Variants in NR4A3 observed in about 807,000 individuals in gnomAD.
The protein encoded by NR4A3 is chondrosarcoma, extraskeletal myxoid, fused to EWS.
A neutral mutation model predicts 55.6 loss-of-function variants in NR4A3; 13 were observed. The observed-to-expected ratio is 0.23, with a 90% CI of 0.15 to 0.37. The LOEUF is 0.37. Ranked by LOEUF, NR4A3 falls within the 10% of genes least tolerant of loss-of-function variation. The pLI is 1.00. For synonymous variants in NR4A3, 342 were observed against 357.9 expected, an observed-to-expected ratio of 0.96 and a Z score of 0.50; for missense variants, 646 against 822.8, an observed-to-expected ratio of 0.79 and a Z score of 2.63.
intron 2 of NR4A3, chr9:99,826,852 C>G (rs575744773): frequency 1.3e-6 from 2 of 1,535,838 alleles, no homozygotes; most frequent in South Asian, 2.2e-5. Context: ...CTCTATTAGT[C>G]ACACCTTTTA....
intron 7 of NR4A3, among the ~76,000 whole-genome samples, chr9:99,849,923 G>A (rs1827819472): frequency 6.6e-6 from 1 of 152,212 alleles, no homozygotes; most frequent in Admixed American, 6.5e-5. Flanking sequence ...GACAGCAGGT[G>A]GGGGTGGTCT....
chr9:99,865,115 C>T lies in NR4A3; in HGVS notation c.*1248C>T, dbSNP rs1828073659. The T allele has an allele frequency of 5.1e-6, 1 of 195,086 alleles. No homozygotes were observed. Among genetic ancestry groups the T allele is most frequent in the Non-Finnish European group, 1.1e-5 (1 of 93,482 alleles). The allele number at this position is 195,086 out of a possible 1,614,324, so 12.1% of individuals were successfully genotyped here. On this transcript the variant is annotated 3_prime_UTR_variant, in exon 8 of 8. Coordinates refer to ENST00000395097, the MANE Select transcript of NR4A3 (RefSeq NM_006981.4). This position sits in a 1 kb window ranked among gnomAD's most constrained non-coding sequence, Gnocchi z 4.3. ...TTTTGTATGTTTCTACTGTTAATGCCATATTACTATGAGATAATTTGTTGC... is the reference window on the plus strand; with the variant it reads ...TTTTGTATGTTTCTACTGTTAATGCTATATTACTATGAGATAATTTGTTGC...
At chr9:99,830,825 A>G (rs970005418) in intron 3 of NR4A3, among the ~76,000 whole-genome samples, 1 of 152,254 alleles carries the variant, frequency 6.6e-6, no homozygotes, top group African/African-American at 2.4e-5. Flanking sequence ...ATAATCTACA[A>G]ATATAATTAT....
At chr9:99,857,146 T>G (rs1272175548) in intron 7 of NR4A3, among the ~76,000 whole-genome samples, 1 of 152,132 alleles carries the variant, frequency 6.6e-6, no homozygotes, top group Admixed American at 6.6e-5. Flanking sequence ...GAGATATAAA[T>G]GCAAGGAACA....
intron 6 of NR4A3, 30 bp downstream of exon 6, chr9:99,844,878 C>T (rs767203142): frequency 1.7e-5 from 27 of 1,552,302 alleles, no homozygotes; most frequent in Admixed American, 6.7e-5. Flanking sequence ...CTTCAGTCTA[C>T]GTCCTTTGAA....
intron 7 of NR4A3, among the ~76,000 whole-genome samples, chr9:99,847,950 G>T (rs1434204603): frequency 6.6e-6 from 1 of 152,170 alleles, no homozygotes; most frequent in Non-Finnish European, 1.5e-5. Context: ...TGTCACACAG[G>T]CTAGAGAGCA....
In NR4A3 at chr9:99,828,133, A is replaced by G. The variant is rs1390047777; in HGVS notation, c.91A>G (p.Met31Val). The G allele has an allele frequency of 9.9e-6, 16 of 1,614,096 alleles. No individual in the cohort carries two copies. The highest frequency in any genetic ancestry group is 1.4e-5 in the Non-Finnish European group (16 of 1,180,004). Residue 31 changes from methionine to valine, a missense_variant, in exon 3 of 8, where the codon ATG becomes GTG. Physicochemically the swap from Met to Val is conservative, Grantham distance 21. Around this residue, in one of 5 missense-constraint regions of NR4A3, gnomAD observed 426 missense variants for 429.4 expected, o/e 0.99. Transcript: ENST00000395097. This position sits in a 1 kb window ranked among gnomAD's most constrained non-coding sequence, Gnocchi z 7.7. ...TYSSEYTTEI[M>V]NPDYTKLTMD... ...CAGCTCGGAATACACCACGGAGATC[A>G]TGAACCCCGACTACACCAAGCTGAC...
At chr9:99,857,905 C>T (rs1201408843) in intron 7 of NR4A3, among the ~76,000 whole-genome samples, 2 of 152,070 alleles carry the variant, frequency 1.3e-5, no homozygotes, top group African/African-American at 4.8e-5. Flanking sequence ...TAATAACTCC[C>T]AACCTGTATA....
intron 7 of NR4A3, among the ~76,000 whole-genome samples, chr9:99,862,235 G>C (rs1330633733): frequency 6.6e-6 from 1 of 151,914 alleles, no homozygotes; most frequent in African/African-American, 2.4e-5. Flanking sequence ...CAGAGGCCAA[G>C]CTCTTCCTTT....
intron 5 of NR4A3, among the ~76,000 whole-genome samples, chr9:99,836,173 T>C (rs930222476): frequency 6.6e-6 from 1 of 152,220 alleles, no homozygotes; most frequent in Non-Finnish European, 1.5e-5. Flanking sequence ...ATATGATGGA[T>C]GTCAGTATCA....
rs909449946 is a variant in NR4A3, at chr9:99,827,081, G to A, written c.-2-960G>A. ...ACCCTGGATACCAGCCACTTTGGGGGCAACATAGTCAAACTGGCAGAGAAA... is the reference window on the plus strand; with the variant it reads ...ACCCTGGATACCAGCCACTTTGGGGACAACATAGTCAAACTGGCAGAGAAA... On this transcript the variant is annotated intron_variant, in intron 2 of 7. Coordinates refer to ENST00000395097, the MANE Select transcript of NR4A3 (RefSeq NM_006981.4). Among the ~76,000 whole-genome samples the A allele has an allele frequency of 2.6e-5, 4 of 152,272 alleles. No individual in the cohort carries two copies. The South Asian group carries it at 6.2e-4, about 24-fold the overall frequency.
rs947111835 is a variant in NR4A3, at chr9:99,825,944, G to T, written c.-3+112G>T. ...CCTGCCCAGTGCCAGGACAGTGACT[G>T]CTGGCCGCGAATTTCACAACACAGG... On this transcript the variant is annotated intron_variant, in intron 2 of 7. Coordinates refer to ENST00000395097, the MANE Select transcript of NR4A3 (RefSeq NM_006981.4). This position sits in a 1 kb window ranked among gnomAD's most constrained non-coding sequence, Gnocchi z 5.0. 1.6e-5 allele frequency: 3 copies of T among 185,898 alleles called. No individual in the cohort carries two copies. Among genetic ancestry groups the T allele is most frequent in the Non-Finnish European group, 3.4e-5 (3 of 87,642 alleles). 11.5% of individuals were successfully genotyped at this position (185,898 alleles called of 1,614,324 possible). A position where few individuals can be genotyped will look rare whatever the true frequency, so the allele number is the denominator to read the frequency against.
At chr9:99,855,236 A>G (rs1427641443) in intron 7 of NR4A3, among the ~76,000 whole-genome samples, 10 of 152,178 alleles carry the variant, frequency 6.6e-5, no homozygotes. Context: ...TTTACCAGCT[A>G]GACTGTGGGG....
chr9:99,837,621 G>GA (rs1393459435), intron 5 of NR4A3, among the ~76,000 whole-genome samples: 1 of 151,802 alleles, frequency 6.6e-6, no homozygotes, highest in South Asian at 2.1e-4. Context: ...TGGATAAAAT[G>GA]AAAAATGAAA....
chr9:99,861,306 G>A (rs1352770451), intron 7 of NR4A3, among the ~76,000 whole-genome samples: 1 of 152,244 alleles, frequency 6.6e-6, no homozygotes, highest in Non-Finnish European at 1.5e-5. Context: ...GCTCACTTGA[G>A]GCCAGGAGTT....
intron 5 of NR4A3, among the ~76,000 whole-genome samples, chr9:99,834,615 G>C (rs1258166930): frequency 6.6e-6 from 1 of 152,116 alleles, no homozygotes; most frequent in Non-Finnish European, 1.5e-5. Flanking sequence ...CCCTCCCCAG[G>C]TCTAATCAGT....
At position 99,845,483 on chromosome 9, in the gene NR4A3, A is replaced by G. The variant is rs374239678; in HGVS notation, c.1454+635A>G. Among the ~76,000 whole-genome samples the G allele has an allele frequency of 3.9e-4, 59 of 152,280 alleles. 1 individual carries two copies. The highest frequency in any genetic ancestry group is 1.3e-3 in the African/African-American group (52 of 41,558). On this transcript the variant is annotated intron_variant, in intron 6 of 7. Coordinates refer to ENST00000395097, the MANE Select transcript of NR4A3 (RefSeq NM_006981.4). Reference sequence around the variant, plus strand: ...TAAGTTCCACATGTAGATTTTTTAAAGTTTATTTTATTATTGTTTTTATTC... The same window carrying G: ...TAAGTTCCACATGTAGATTTTTTAAGGTTTATTTTATTATTGTTTTTATTC...
rs2118192344 is a variant in NR4A3 at position 99,864,940 on chromosome 9, A to G, written c.*1073A>G. 4.9e-6 allele frequency: 1 copy of G among 202,384 alleles called. No homozygotes were observed. The highest frequency in any genetic ancestry group is 7.4e-5 in the East Asian group (1 of 13,440). The allele number at this position is 202,384 out of a possible 1,614,324, so 12.5% of individuals were successfully genotyped here. On this transcript the variant is annotated 3_prime_UTR_variant, in exon 8 of 8. Coordinates refer to ENST00000395097, the MANE Select transcript of NR4A3 (RefSeq NM_006981.4). Reference sequence around the variant, plus strand: ...TTATAGATATAATTTAATTTTTGTTATTGGTTAAGGAGACAATTTTGGAGA... The same window carrying G: ...TTATAGATATAATTTAATTTTTGTTGTTGGTTAAGGAGACAATTTTGGAGA...
rs549690683 is a variant in NR4A3, at chr9:99,837,505, A to G, written c.1254+4051A>G. Among the ~76,000 whole-genome samples, 392 of 152,262 alleles carry G rather than the reference A, an allele frequency of 2.6e-3. 1 individual carries two copies. The highest frequency in any genetic ancestry group is 4.1e-3 in the Non-Finnish European group (282 of 68,028). ...CATACTGTCACTTCTATTTAATGAC[A>G]ATTTATTATATTTTTGAACATATAA... On this transcript the variant is annotated intron_variant, in intron 5 of 7. Coordinates refer to ENST00000395097, the MANE Select transcript of NR4A3 (RefSeq NM_006981.4).
Sources: allele counts gnomAD v4.1 joint callset (sites outside exome capture counted in the v4.1 genomes callset), GRCh38; gene constraint gnomAD v4.1.1; regional missense constraint gnomAD v4.1.1; non-coding constraint Gnocchi (gnomAD v3.1); transcripts MANE v1.5; gene names NCBI Gene and HGNC (gene_info 2026-07-23, HGNC 2026-07-21).